The following KHK variants were observed in gnomAD, a reference collection of about 807,000 sequenced individuals.
KHK encodes the protein fructokinase.
KHK carries 37 observed loss-of-function variants against 36.0 expected under a neutral mutation model. The ratio of observed to expected loss-of-function variants is 1.03; its 90% confidence interval spans 0.79 to 1.35. The LOEUF (loss-of-function observed/expected upper bound fraction) is 1.35, where lower values mean the gene tolerates loss of function less well. KHK is among the 40% of genes most tolerant of loss of function. The pLI, the probability that KHK is intolerant of heterozygous loss-of-function variation, is 0.00. For missense variants in KHK, 395 were observed against 391.9 expected (o/e 1.01, Z -0.07); for synonymous variants, 161 against 162.8 (o/e 0.99, Z 0.08).
intron 2 of KHK, chr2:27,094,380 C>T (rs531984941): frequency 5.5e-6 from 8 of 1,467,448 alleles, no homozygotes; most frequent in African/African-American, 1.4e-5. Flanking sequence ...TGCTTGCACC[C>T]CTGCCTTTCA....
In KHK at chr2:27,097,516, C is replaced by T. The variant is rs756258011; in HGVS notation, c.431C>T (p.Ser144Leu). The change falls in exon 5 of 8, where the codon TCG becomes TTG. Residue 144 changes from serine to leucine, a missense_variant. Coordinates refer to ENST00000260598, the MANE Select transcript of KHK (RefSeq NM_006488.3). ...GTCCTGTACCAGGGCCGGAACGCATCGGAGCAGGTGAAGATGCTGCAGCGG... is the reference window on the plus strand; with the variant it reads ...GTCCTGTACCAGGGCCGGAACGCATTGGAGCAGGTGAAGATGCTGCAGCGG... ...KWIHIEGRNA[S>L]EQVKMLQRID... 1.2e-5 allele frequency: 20 copies of T among 1,613,610 alleles called. No individual in the cohort carries two copies. The South Asian group carries it at 1.5e-4, about 12-fold the overall frequency.
At chr2:27,099,111 C>T (rs1487193271) in intron 5 of KHK, 85 bp from the exon 6 acceptor site, 11 of 1,136,740 alleles carry the variant, frequency 9.7e-6, no homozygotes, top group Middle Eastern at 3.9e-4. Flanking sequence ...TTGGGGGAGT[C>T]GTGTTGTAAT....
At chr2:27,094,464 T>C in intron 2 of KHK, 2 of 1,612,728 alleles carry the variant, frequency 1.2e-6, no homozygotes, top group Non-Finnish European at 1.7e-6. Flanking sequence ...TTCGGGTTAC[T>C]CCGCCCTAGC....
chr2:27,094,576 G>A (rs1298537017), intron 2 of KHK: 2 of 1,614,026 alleles, frequency 1.2e-6, no homozygotes, highest in Admixed American at 1.7e-5. Context: ...TCATCAACGA[G>A]GCCAGTGGTA....
chr2:27,091,448 G>A (rs561543662), intron 1 of KHK, among the ~76,000 whole-genome samples: 30 of 152,134 alleles, frequency 2.0e-4, no homozygotes, highest in Admixed American at 6.5e-4. Flanking sequence ...GAAGTTTCGC[G>A]TACAAATATG....
At position 27,087,239 on chromosome 2, in the gene KHK, G is replaced by C. The variant is rs1669710730; in HGVS notation, c.-21G>C. ...AGGAACCCCGTCAGCCGGGCGGGCA[G>C]GAAGCTCTGGGAGTAGCCTCATGGA... On this transcript the variant is annotated 5_prime_UTR_variant, in exon 1 of 8. Transcript: ENST00000260598. The C allele has an allele frequency of 6.4e-7, 1 of 1,567,194 alleles. No homozygotes were observed. Among genetic ancestry groups the C allele is most frequent in the Non-Finnish European group, 8.7e-7 (1 of 1,154,596 alleles).
rs747489398 is a variant in KHK, at chr2:27,099,460, G to A, written c.694G>A (p.Ala232Thr). The A allele has an allele frequency of 4.3e-6, 7 of 1,614,016 alleles. No homozygotes were observed. The highest frequency in any genetic ancestry group is 2.2e-5 in the East Asian group (1 of 44,874). Residue 232 changes from alanine to threonine, a missense_variant, in exon 7 of 8, where the codon GCC (alanine) becomes ACC (threonine). Transcript: ENST00000260598. ...VCAWAEEGAD[A>T]LGPDGKLLHS... Reference sequence around the variant, plus strand: ...TGCCTGGGCTGAGGAGGGCGCCGACGCCCTGGGCCCTGATGGCAAATTGCT... The same window carrying A: ...TGCCTGGGCTGAGGAGGGCGCCGACACCCTGGGCCCTGATGGCAAATTGCT...
intron 1 of KHK, 92 bp from the exon 2 acceptor site, chr2:27,092,236 GAGTC>G (rs1230978174): frequency 3.1e-6 from 3 of 960,046 alleles, no homozygotes; most frequent in Non-Finnish European, 5.0e-6. Flanking sequence ...TTTCTGAGAG[GAGTC>G]CCCAGCTGTT....
rs1452160639 is a variant in KHK at position 27,099,846 on chromosome 2, C to T, written c.*96C>T. On this transcript the variant is annotated 3_prime_UTR_variant, in exon 8 of 8. Transcript: ENST00000260598. ...AGCCTGGCGTCCAGGTTGCCCTGTT[C>T]AGGGGACAGATGCAAGCTGTGGGGA... The T allele has an allele frequency of 6.4e-7, 1 of 1,555,682 alleles. No individual in the cohort carries two copies. Among genetic ancestry groups the T allele is most frequent in the Non-Finnish European group, 8.7e-7 (1 of 1,149,966 alleles).
intron 1 of KHK, among the ~76,000 whole-genome samples, chr2:27,089,660 G>A (rs190294951): frequency 6.6e-6 from 1 of 152,202 alleles, no homozygotes; most frequent in East Asian, 1.9e-4. Flanking sequence ...TGCCTTCCCC[G>A]CAGCCCCATG....
intron 1 of KHK, among the ~76,000 whole-genome samples, chr2:27,090,430 A>G (rs1055203486): frequency 6.9e-6 from 1 of 145,410 alleles, no homozygotes; most frequent in African/African-American, 2.5e-5. Context: ...CAGCTTGAAA[A>G]TCTTTTTTTT....
intron 5 of KHK, among the ~76,000 whole-genome samples, chr2:27,098,079 G>A (rs1385768094): frequency 6.6e-6 from 1 of 152,160 alleles, no homozygotes; most frequent in Non-Finnish European, 1.5e-5. Context: ...GGGTGGGAAG[G>A]AGACTTGCAT....
At position 27,100,330 on chromosome 2, in the gene KHK, T is replaced by G; in HGVS notation, c.*580T>G. On this transcript the variant is annotated 3_prime_UTR_variant, in exon 8 of 8. Coordinates refer to ENST00000260598, the MANE Select transcript of KHK (RefSeq NM_006488.3). ...GCCTCCTCTGCCCTGCCCACCAGCC[T>G]GTGATTTGATGGGGTCTTCATTGTC... 2 of 893,722 alleles carry G rather than the reference T, an allele frequency of 2.2e-6. No individual in the cohort carries two copies. Among genetic ancestry groups the G allele is most frequent in the South Asian group, 1.4e-5 (1 of 70,290 alleles). The allele number at this position is 893,722 out of a possible 1,614,324, so 55.4% of individuals were successfully genotyped here.
Position 27,099,532 on chromosome 2 carries a change from G to A in KHK, c.766G>A (p.Ala256Thr). 2 of 1,614,204 alleles carry A rather than the reference G, an allele frequency of 1.2e-6. No homozygotes were observed. Among genetic ancestry groups the A allele is most frequent in the Non-Finnish European group, 1.7e-6 (2 of 1,180,032 alleles). ...PPPRVVDTLG[A>T]GDTFNASVIF... Reference sequence around the variant, plus strand: ...ACCCCGCGTGGTGGATACACTGGGAGCTGGAGACACCTTCAATGCCTCCGT... The same window carrying A: ...ACCCCGCGTGGTGGATACACTGGGAACTGGAGACACCTTCAATGCCTCCGT... The change falls in exon 7 of 8, where the codon GCT (alanine) becomes ACT (threonine). Residue 256 changes from alanine to threonine, a missense_variant. Coordinates refer to ENST00000260598, the MANE Select transcript of KHK (RefSeq NM_006488.3).
intron 3 of KHK, 25 bp downstream of exon 3, chr2:27,094,959 C>A: frequency 6.2e-7 from 1 of 1,613,198 alleles, no homozygotes; most frequent in Non-Finnish European, 8.5e-7. Flanking sequence ...CCTCGCCCTG[C>A]TACAACCCAC....
chr2:27,096,904 A>G, intron 4 of KHK, 103 bp downstream of exon 4: 1 of 848,004 alleles, frequency 1.2e-6, no homozygotes, highest in South Asian at 1.3e-5. Context: ...CTTAGAGATA[A>G]ATGAACCCAA....
chr2:27,087,755 C>A (rs1669748997), intron 1 of KHK, among the ~76,000 whole-genome samples: 1 of 152,232 alleles, frequency 6.6e-6, no homozygotes, highest in Non-Finnish European at 1.5e-5. Flanking sequence ...TCAACATTTA[C>A]TTCTAACTTA....
intron 5 of KHK, chr2:27,098,977 A>T: frequency 1.9e-6 from 1 of 521,570 alleles, no homozygotes; most frequent in Non-Finnish European, 3.5e-6. Flanking sequence ...AGGCAGGAAG[A>T]TCATATGGGG....
At chr2:27,098,055 C>T (rs1248017271) in intron 5 of KHK, among the ~76,000 whole-genome samples, 1 of 152,010 alleles carries the variant, frequency 6.6e-6, no homozygotes, top group Non-Finnish European at 1.5e-5. Context: ...GTGGGGGCTG[C>T]TAGGGTGAGG....
Sources: gnomAD v4.1 joint callset for allele counts (sites outside exome capture counted in the v4.1 genomes callset) on GRCh38, gnomAD v4.1.1 for gene constraint, MANE v1.5 for transcripts, NCBI Gene and HGNC (gene_info 2026-07-23, HGNC 2026-07-21) for gene names.